DUSP6: variants seen among roughly 807,000 people sequenced by gnomAD.
DUSP6 encodes the protein dual specificity phosphatase 6.
DUSP6 carries 6 observed loss-of-function variants against 28.0 expected under a neutral mutation model. The ratio of observed to expected loss-of-function variants is 0.21; its 90% CI spans 0.12 to 0.42. The LOEUF is 0.42. Ranked by LOEUF, DUSP6 falls within the 10% of genes least tolerant of loss-of-function variation. The pLI is 1.00. For missense variants in DUSP6, 451 were observed against 498.1 expected (o/e 0.91, Z 0.90); for synonymous variants, 252 against 217.5 (o/e 1.16, Z -1.40).
chr12:89,351,910 G>C lies in DUSP6; in HGVS notation c.130C>G (p.Leu44Val). 1.9e-6 allele frequency: 3 copies of C among 1,612,898 alleles called. No individual in the cohort carries two copies. The highest frequency in any genetic ancestry group is 1.7e-6 in the Non-Finnish European group (2 of 1,179,952). Reference protein sequence around the residue: ...LLLMDCRPQELYESSHIESAI... With the variant: ...LLLMDCRPQEVYESSHIESAI... ...GACTCGATGTGCGACGACTCGTATA[G>C]CTCCTGCGGCCGGCAGTCCATCAGC... The change falls in exon 1 of 3, where the codon CTA becomes GTA. Residue 44 changes from leucine (L) to valine (V), a missense_variant. Transcript: ENST00000279488.
chr12:89,349,503 G>A lies in DUSP6; in HGVS notation c.897C>T (p.Arg299=). ...GGTAAGCCACAGTCACAGTGACTGA[G>A]CGGCTAATGCCAGCCAAGCAATGTA... The part of the protein sequence containing the change: ...VLVHCLAGIS[R]SVTVTVAYLM... The change falls in exon 3 of 3, where the codon CGC becomes CGT. Residue 299 remains arginine, a synonymous_variant. Transcript: ENST00000279488. 1 of 1,614,158 alleles carries A rather than the reference G, an allele frequency of 6.2e-7. No individual in the cohort carries two copies. Among genetic ancestry groups the A allele is most frequent in the Non-Finnish European group, 8.5e-7 (1 of 1,179,996 alleles).
intron 1 of DUSP6, chr12:89,351,269 A>G (rs1879176239): frequency 1.6e-6 from 1 of 608,380 alleles, no homozygotes; most frequent in South Asian, 2.1e-5. Flanking sequence ...ACTTTTTGGA[A>G]TATTTTGAGA....
chr12:89,351,952 C>T lies in DUSP6; in HGVS notation c.88G>A (p.Gly30Ser). Reference protein sequence around the residue: ...VAWLNEQLELGNERLLLMDCR... With the variant: ...VAWLNEQLELSNERLLLMDCR... ...TCCATCAGCAGCAGCCGCTCGTTGC[C>T]CAGCTCCAGCTGCTCGTTGAGCCAC... The change falls in exon 1 of 3, where the codon GGC becomes AGC. Residue 30 changes from glycine to serine, a missense_variant. This residue lies in a region of DUSP6 where 347 missense variants were observed against 346.6 expected (regional missense o/e 1.00). Transcript: ENST00000279488. 1 of 1,613,054 alleles carries T rather than the reference C, an allele frequency of 6.2e-7. No individual in the cohort carries two copies. Among genetic ancestry groups the T allele is most frequent in the Non-Finnish European group, 8.5e-7 (1 of 1,179,954 alleles).
At position 89,350,703 on chromosome 12, in the gene DUSP6, G is replaced by A; in HGVS notation, c.723C>T (p.Pro241=). 1 of 1,614,156 alleles carries A rather than the reference G, an allele frequency of 6.2e-7. No homozygotes were observed. The change falls in exon 2 of 3, where the codon CCC becomes CCT. Residue 241 remains proline, a synonymous_variant. Coordinates refer to ENST00000279488, the MANE Select transcript of DUSP6 (RefSeq NM_001946.4). ...FGIKYILNVT[P]NLPNLFENAG... ...CGTTCTCAAAGAGATTCGGCAAATT[G>A]GGGGTGACGTTCAAGATGTACTTGA...
At position 89,351,148 on chromosome 12, in the gene DUSP6, C is replaced by A. The variant is rs571241427; in HGVS notation, c.401-123G>T. 3.8e-6 allele frequency: 4 copies of A among 1,056,750 alleles called. No homozygotes were observed. The East Asian group carries it at 1.0e-4, about 28-fold the overall frequency. The allele number at this position is 1,056,750 out of a possible 1,614,324, so 65.5% of individuals were successfully genotyped here. A position where few individuals can be genotyped will look rare whatever the true frequency, so the allele number is the denominator to read the frequency against. On this transcript the variant is annotated intron_variant, in intron 1 of 2. Coordinates refer to ENST00000279488, the MANE Select transcript of DUSP6 (RefSeq NM_001946.4). ...TCCTACGAACCCCCTACATACAGAA[C>A]CATCTATAAGAGAAACACACTTTAA... is the stretch of plus-strand genomic sequence containing the variant.
chr12:89,351,245 T>TA (rs776309781), intron 1 of DUSP6: 2 of 645,424 alleles, frequency 3.1e-6, no homozygotes, highest in South Asian at 4.2e-5. Context: ...AATCCGGAAA[T>TA]AGACAAAATG....
rs1879220740 is a variant in DUSP6 at position 89,352,056 on chromosome 12, G to A, written c.-17C>T. On this transcript the variant is annotated 5_prime_UTR_variant, in exon 1 of 3. Transcript: ENST00000279488. The stretch of plus-strand genomic sequence containing the variant: ...ATCTATCATGGGGGTCGAGCTGCGG[G>A]AGAGGGCGGGGTGCCTACCAGACGC... The A allele has an allele frequency of 6.2e-7, 1 of 1,602,460 alleles. No homozygotes were observed. The highest frequency in any genetic ancestry group is 8.5e-7 in the Non-Finnish European group (1 of 1,172,108).
In DUSP6 at chr12:89,351,878, G is replaced by C; in HGVS notation, c.162C>G (p.Ile54Met). The stretch of plus-strand genomic sequence containing the variant: ...GCATGATGCCCGGGATGGCCACGTT[G>C]ATGGCCGACTCGATGTGCGACGACT... ...LYESSHIESAINVAIPGIMLR... is the reference protein window; with the variant it reads ...LYESSHIESAMNVAIPGIMLR... The change falls in exon 1 of 3, where the codon ATC becomes ATG. Residue 54 changes from isoleucine to methionine, a missense_variant. Coordinates refer to ENST00000279488, the MANE Select transcript of DUSP6 (RefSeq NM_001946.4). 6.2e-7 allele frequency: 1 copy of C among 1,612,606 alleles called. No individual in the cohort carries two copies. Among genetic ancestry groups the C allele is most frequent in the Non-Finnish European group, 8.5e-7 (1 of 1,179,900 alleles).
intron 1 of DUSP6, 180 bp from the exon 2 acceptor site, chr12:89,351,205 C>T (rs1453375353): frequency 4.0e-6 from 3 of 754,078 alleles, no homozygotes; most frequent in Non-Finnish European, 6.2e-6. Flanking sequence ...ACGAACGGGC[C>T]CGCCTCGCCA....
intron 2 of DUSP6, among the ~76,000 whole-genome samples, chr12:89,350,277 T>TCTGACCCTTCCC (rs1259838721): frequency 7.2e-5 from 11 of 152,230 alleles, no homozygotes; most frequent in African/African-American, 2.7e-4. Context: ...AGTACTTCTA[T>TCTGACCCTTCCC]CTGACCCTTC....
At chr12:89,351,117 C>G in intron 1 of DUSP6, 92 bp from the exon 2 acceptor site, 2 of 1,360,336 alleles carry the variant, frequency 1.5e-6, no homozygotes, top group Non-Finnish European at 2.0e-6. Flanking sequence ...AGAAACACCA[C>G]AAGCATCCTA....
Position 89,352,008 on chromosome 12 carries a change from G to A in DUSP6, c.32C>T (p.Ala11Val), listed in dbSNP as rs756143915. 8.7e-6 allele frequency: 14 copies of A among 1,612,874 alleles called. No individual in the cohort carries two copies. Among genetic ancestry groups the A allele is most frequent in the Non-Finnish European group, 4.2e-6 (5 of 1,179,924 alleles). Reference protein sequence around the residue: MIDTLRPVPFASEMAISKTVA... With the variant: MIDTLRPVPFVSEMAISKTVA... The stretch of plus-strand genomic sequence containing the variant: ...CGTCTTGCTGATCGCCATTTCCGAC[G>A]CGAAGGGCACGGGTCTGAGCGTATC... The change falls in exon 1 of 3, where the codon GCG (alanine) becomes GTG (valine). Residue 11 changes from alanine (A) to valine (V), a missense_variant. Physicochemically the swap from Ala to Val is moderately conservative, Grantham distance 64 (BLOSUM62 0). Coordinates refer to ENST00000279488, the MANE Select transcript of DUSP6 (RefSeq NM_001946.4).
Position 89,352,276 on chromosome 12 carries a change from T to A in DUSP6, c.-237A>T, listed in dbSNP as rs1029805409. The A allele has an allele frequency of 8.5e-6, 5 of 586,806 alleles. No individual in the cohort carries two copies. Among genetic ancestry groups the A allele is most frequent in the Admixed American group, 3.1e-5 (1 of 32,382 alleles). 36.3% of individuals were successfully genotyped at this position (586,806 alleles called of 1,614,324 possible). A position where few individuals can be genotyped will look rare whatever the true frequency, so the allele number is the denominator to read the frequency against. On this transcript the variant is annotated 5_prime_UTR_variant, in exon 1 of 3. Coordinates refer to ENST00000279488, the MANE Select transcript of DUSP6 (RefSeq NM_001946.4). ...GTCAATGAATCTCTCTCAATGAAGC[T>A]GCCCAGATAGTTTTTGTTCCTCCCC...
At position 89,349,124 on chromosome 12, in the gene DUSP6, T is replaced by A; in HGVS notation, c.*130A>T. On this transcript the variant is annotated 3_prime_UTR_variant, in exon 3 of 3. Transcript: ENST00000279488. ...TAACCAATTCCGCACTTGGTAACCT[T>A]GTCTAGTACAGACAGCTGGTGTCAT... is the stretch of plus-strand genomic sequence containing the variant. 1.0e-6 allele frequency: 1 copy of A among 993,958 alleles called. No homozygotes were observed. The highest frequency in any genetic ancestry group is 1.5e-6 in the Non-Finnish European group (1 of 677,128). The allele number at this position is 993,958 out of a possible 1,614,324, so 61.6% of individuals were successfully genotyped here.
At position 89,352,378 on chromosome 12, in the gene DUSP6, T is replaced by A. The variant is rs1879237507; in HGVS notation, c.-339A>T. 1 of 314,742 alleles carries A rather than the reference T, an allele frequency of 3.2e-6. No individual in the cohort carries two copies. Among genetic ancestry groups the A allele is most frequent in the Non-Finnish European group, 6.0e-6 (1 of 166,364 alleles). The allele number at this position is 314,742 out of a possible 1,614,324, so 19.5% of individuals were successfully genotyped here. A position where few individuals can be genotyped will look rare whatever the true frequency, so the allele number is the denominator to read the frequency against. Reference sequence around the variant, plus strand: ...AAAAAGTCTAGCGGCTTCTAATCCCTCCCTCCAAGGCTGCACCTCAAATCT... The same window carrying A: ...AAAAAGTCTAGCGGCTTCTAATCCCACCCTCCAAGGCTGCACCTCAAATCT... On this transcript the variant is annotated 5_prime_UTR_variant, in exon 1 of 3. Coordinates refer to ENST00000279488, the MANE Select transcript of DUSP6 (RefSeq NM_001946.4).
rs957995170 is a variant in DUSP6, at chr12:89,348,415, G to A, written c.*839C>T. 3 of 152,162 alleles carry A rather than the reference G, an allele frequency of 2.0e-5. No individual in the cohort carries two copies. Among genetic ancestry groups the A allele is most frequent in the Admixed American group, 6.6e-5 (1 of 15,236 alleles). 9.4% of individuals were successfully genotyped at this position (152,162 alleles called of 1,614,324 possible). A position where few individuals can be genotyped will look rare whatever the true frequency, so the allele number is the denominator to read the frequency against. On this transcript the variant is annotated 3_prime_UTR_variant, in exon 3 of 3. Transcript: ENST00000279488. Reference sequence around the variant, plus strand: ...GTCTTTCCCAGATTATCCCCTTTGCGACAACACAAGCAAAAATATTTACAA... The same window carrying A: ...GTCTTTCCCAGATTATCCCCTTTGCAACAACACAAGCAAAAATATTTACAA...
rs562832283 is a variant in DUSP6 at position 89,351,965 on chromosome 12, C to T, written c.75G>A (p.Glu25=). ...GCCGCTCGTTGCCCAGCTCCAGCTG[C>T]TCGTTGAGCCACGCCACCGTCTTGC... is the stretch of plus-strand genomic sequence containing the variant. The part of the protein sequence containing the change: ...AISKTVAWLN[E]QLELGNERLL... The change falls in exon 1 of 3, where the codon GAG becomes GAA. Residue 25 remains glutamate (E), a synonymous_variant. Transcript: ENST00000279488. 5 of 1,613,084 alleles carry T rather than the reference C, an allele frequency of 3.1e-6. No homozygotes were observed. The highest frequency in any genetic ancestry group is 3.3e-5 in the Admixed American group (2 of 60,034).
rs1358592350 is a variant in DUSP6 at position 89,352,357 on chromosome 12, A to C, written c.-318T>G. 1 of 362,022 alleles carries C rather than the reference A, an allele frequency of 2.8e-6. No homozygotes were observed. The highest frequency in any genetic ancestry group is 4.3e-5 in the Admixed American group (1 of 23,464). The allele number at this position is 362,022 out of a possible 1,614,324, so 22.4% of individuals were successfully genotyped here. On this transcript the variant is annotated 5_prime_UTR_variant, in exon 1 of 3. Transcript: ENST00000279488. ...GTGCTACTGAGAGGGGAGGAAAAAA[A>C]GTCTAGCGGCTTCTAATCCCTCCCT...
intron 2 of DUSP6, 51 bp downstream of exon 2, chr12:89,350,537 C>A: frequency 6.5e-7 from 1 of 1,543,158 alleles, no homozygotes; most frequent in Non-Finnish European, 8.8e-7. Context: ...CTATGAATGG[C>A]TAGGAATTTT....
Sources: allele counts gnomAD v4.1 joint callset (sites outside exome capture counted in the v4.1 genomes callset), GRCh38; gene constraint gnomAD v4.1.1; regional missense constraint gnomAD v4.1.1; transcripts MANE v1.5; gene names NCBI Gene and HGNC (gene_info 2026-07-23, HGNC 2026-07-21).